Variants in PIK3AP1 observed in about 807,000 individuals in gnomAD.
The protein encoded by PIK3AP1 is phosphoinositide 3-kinase adapter protein 1.
A neutral mutation model predicts 88.1 loss-of-function variants in PIK3AP1; 21 were observed. That is an observed-to-expected ratio of 0.24 (90% CI 0.17 to 0.34). The LOEUF is 0.34. Ranked by LOEUF, PIK3AP1 falls within the 10% of genes least tolerant of loss-of-function variation. PIK3AP1 has a pLI of 1.00. For synonymous variants in PIK3AP1, 398 were observed against 400.0 expected (o/e 1.00, Z 0.06); for missense variants, 828 against 1,035.7 (o/e 0.80, Z 2.75).
chr10:96,643,970 C>T (rs1362611927), intron 8 of PIK3AP1, among the ~76,000 whole-genome samples: 2 of 152,214 alleles, frequency 1.3e-5, no homozygotes, highest in Non-Finnish European at 2.9e-5. Flanking sequence ...GGTGGTGCCT[C>T]CGCATGCTTA....
In PIK3AP1 at chr10:96,708,753, A is replaced by G. The variant is rs1421355804; in HGVS notation, c.430+814T>C. On this transcript the variant is annotated intron_variant, in intron 2 of 16. Transcript: ENST00000339364. The stretch of plus-strand genomic sequence containing the variant: ...GAAAGGATCGGAATTTTCCTACTCT[A>G]AAAGGAGAAATGGCAAAATATAGAA... Among the ~76,000 whole-genome samples, 3 of 152,072 alleles carry G rather than the reference A, an allele frequency of 2.0e-5. No homozygotes were observed. The East Asian group carries it at 5.8e-4, about 29-fold the overall frequency.
rs995037096 is a variant in PIK3AP1, at chr10:96,595,353, G to A, written c.*224C>T. On this transcript the variant is annotated 3_prime_UTR_variant, in exon 17 of 17. Transcript: ENST00000339364. ...CTTTTGGCAAACAAGTATATGGTTC[G>A]ATATACTTGGTGATGGTGAATGAAG... The A allele has an allele frequency of 1.2e-5, 7 of 560,326 alleles. No individual in the cohort carries two copies. The highest frequency in any genetic ancestry group is 1.0e-4 in the Admixed American group (3 of 29,842). 34.7% of individuals were successfully genotyped at this position (560,326 alleles called of 1,614,324 possible).
Position 96,604,344 on chromosome 10 carries a change from A to ATTTTTTTT in PIK3AP1, c.2171-303_2171-296dup, listed in dbSNP as rs66487275. ...AGGTGTGTGCCACCACACCTAGCCA[A>ATTTTTTTT]TTTTTTTTTTTTTTTTTTTTTTTTT... On this transcript the variant is annotated intron_variant, in intron 14 of 16. Coordinates refer to ENST00000339364, the MANE Select transcript of PIK3AP1 (RefSeq NM_152309.3). Among the ~76,000 whole-genome samples, 80 of 77,126 alleles carry ATTTTTTTT rather than the reference A, an allele frequency of 1.0e-3. 1 individual carries two copies. Among genetic ancestry groups the ATTTTTTTT allele is most frequent in the Non-Finnish European group, 1.6e-3 (66 of 41,864 alleles). The allele number at this position is 77,126 out of a possible 152,430, so 50.6% of individuals were successfully genotyped here.
At chr10:96,686,132 A>G (rs531390994) in intron 2 of PIK3AP1, among the ~76,000 whole-genome samples, 65 of 152,312 alleles carry the variant, frequency 4.3e-4, no homozygotes, top group African/African-American at 1.6e-3. Flanking sequence ...TTCACAATTC[A>G]GGATGTAGGC....
At chr10:96,599,213 CAGGTTTG>C (rs1011094360) in intron 16 of PIK3AP1, among the ~76,000 whole-genome samples, 2 of 152,038 alleles carry the variant, frequency 1.3e-5, no homozygotes, top group African/African-American at 4.8e-5. Flanking sequence ...GGATGACTCC[CAGGTTTG>C]GGGCTTGGGG....
At chr10:96,718,249 A>T (rs1844527926) in intron 1 of PIK3AP1, among the ~76,000 whole-genome samples, 1 of 152,264 alleles carries the variant, frequency 6.6e-6, no homozygotes, top group Non-Finnish European at 1.5e-5. Context: ...ATCTGTAAAG[A>T]TACTAAAAAC....
chr10:96,651,311 T>A lies in PIK3AP1; in HGVS notation c.925A>T (p.Ile309Phe). ...KLLTESLKNN[I>F]PASGLHLFGI... The stretch of plus-strand genomic sequence containing the variant: ...AAGAGGTGCAGTCCGCTTGCAGGGA[T>A]ATTGTTCTTCAGGGATTCGGTTAGC... Residue 309 changes from isoleucine to phenylalanine, a missense_variant, in exon 6 of 17, where the codon ATC becomes TTC. Ile to Phe is a conservative substitution (Grantham distance 21). Coordinates refer to ENST00000339364, the MANE Select transcript of PIK3AP1 (RefSeq NM_152309.3). The A allele has an allele frequency of 6.2e-7, 1 of 1,614,206 alleles. No individual in the cohort carries two copies. The highest frequency in any genetic ancestry group is 8.5e-7 in the Non-Finnish European group (1 of 1,180,024).
intron 2 of PIK3AP1, among the ~76,000 whole-genome samples, chr10:96,660,134 C>T (rs1200900743): frequency 6.6e-6 from 1 of 152,030 alleles, no homozygotes; most frequent in Non-Finnish European, 1.5e-5. Flanking sequence ...AAAACCAGTA[C>T]AGATCTGTTC....
intron 15 of PIK3AP1, 125 bp from the exon 16 acceptor site, chr10:96,602,523 A>C: frequency 4.0e-6 from 3 of 752,310 alleles, no homozygotes; most frequent in Non-Finnish European, 6.6e-6. Context: ...TTGCAAATTG[A>C]TAATCAACCC....
At chr10:96,713,366 T>C (rs1038814101) in intron 1 of PIK3AP1, among the ~76,000 whole-genome samples, 5 of 151,188 alleles carry the variant, frequency 3.3e-5, no homozygotes, top group Non-Finnish European at 7.4e-5. Flanking sequence ...TAGCCGGGTG[T>C]TGTGGCAGGC....
At chr10:96,619,576 T>C (rs1269291505) in intron 12 of PIK3AP1, 2 of 152,256 alleles carry the variant, frequency 1.3e-5, no homozygotes, top group Non-Finnish European at 1.5e-5. Context: ...TTTCCTCCTT[T>C]TTAATACAAA....
At chr10:96,598,837 A>G (rs1848831058) in intron 16 of PIK3AP1, among the ~76,000 whole-genome samples, 1 of 152,228 alleles carries the variant, frequency 6.6e-6, no homozygotes, top group Admixed American at 6.5e-5. Context: ...CAGATTGGGC[A>G]AAGAAACAGT....
intron 14 of PIK3AP1, among the ~76,000 whole-genome samples, chr10:96,609,094 G>C (rs1408143192): frequency 3.9e-5 from 6 of 152,230 alleles, no homozygotes; most frequent in African/African-American, 1.4e-4. Flanking sequence ...TTCCTAATTA[G>C]ATCCTCAACC....
intron 1 of PIK3AP1, among the ~76,000 whole-genome samples, chr10:96,716,318 A>G (rs948743854): frequency 6.6e-6 from 1 of 152,022 alleles, no homozygotes; most frequent in Non-Finnish European, 1.5e-5. Context: ...TAAATGCACA[A>G]TGTCTCACTC....
At chr10:96,628,230 G>A (rs553689540) in intron 9 of PIK3AP1, among the ~76,000 whole-genome samples, 168 bp downstream of exon 9, 1 of 152,324 alleles carries the variant, frequency 6.6e-6, no homozygotes, top group South Asian at 2.1e-4. Flanking sequence ...TGACGGGGGA[G>A]CTCAGGGTAG....
chr10:96,621,182 G>C (rs183632323), intron 11 of PIK3AP1: 5 of 155,038 alleles, frequency 3.2e-5, no homozygotes, highest in Admixed American at 1.9e-4. Context: ...GGCCTGTCAC[G>C]TTGCAAAGGC....
At chr10:96,673,205 T>C (rs1843870883) in intron 2 of PIK3AP1, among the ~76,000 whole-genome samples, 1 of 152,108 alleles carries the variant, frequency 6.6e-6, no homozygotes, top group African/African-American at 2.4e-5. Flanking sequence ...CTGGGAAGGG[T>C]TGGAGGAAAA....
At chr10:96,661,003 G>T (rs1014087365) in intron 2 of PIK3AP1, among the ~76,000 whole-genome samples, 4 of 152,084 alleles carry the variant, frequency 2.6e-5, no homozygotes, top group African/African-American at 9.7e-5. Context: ...TGGCCAACAT[G>T]GTGAAACCCT....
intron 8 of PIK3AP1, among the ~76,000 whole-genome samples, chr10:96,637,361 G>A (rs561765039): frequency 8.0e-6 from 1 of 124,378 alleles, no homozygotes; most frequent in East Asian, 2.6e-4. Context: ...CACACACTCT[G>A]TGATAGTTAT....
Sources: allele counts gnomAD v4.1 joint callset (sites outside exome capture counted in the v4.1 genomes callset), GRCh38; gene constraint gnomAD v4.1.1; transcripts MANE v1.5; gene names NCBI Gene and HGNC (gene_info 2026-07-23, HGNC 2026-07-21).